The following HAGH variants were observed in gnomAD, a reference collection of about 807,000 sequenced individuals.
HAGH encodes the protein hydroxyacylglutathione hydrolase.
HAGH carries 29 observed loss-of-function variants against 35.1 expected under a neutral mutation model. The ratio of observed to expected loss-of-function variants is 0.83; its 90% CI spans 0.62 to 1.13. The LOEUF is 1.13. HAGH is among the 50% of genes most tolerant of loss of function. The pLI, the probability that HAGH is intolerant of heterozygous loss-of-function variation, is 0.00. For missense variants in HAGH, 478 were observed against 419.6 expected (o/e 1.14, Z -1.22); for synonymous variants, 225 against 176.1 (o/e 1.28, Z -2.20).
Position 1,822,876 on chromosome 16 carries a change from G to A in HAGH, c.238C>T (p.Gln80Ter), listed in dbSNP as rs1289933614. Residue 80 changes from glutamine (Q) to a stop codon, truncating the protein, a stop_gained, in exon 2 of 9, where the codon CAG becomes TAG. Transcript: ENST00000397356. LOFTEE classifies it high-confidence loss of function. ...TKEAAIVDPV[Q>*]PQKVVDAARK... ...ACAGCCATGCGCACCTTCTGGGGCT[G>A]CACCGGATCCACAATGGCAGCCTCC... is the stretch of plus-strand genomic sequence containing the variant. The A allele has an allele frequency of 1.2e-6, 2 of 1,613,390 alleles. No homozygotes were observed. Among genetic ancestry groups the A allele is most frequent in the Non-Finnish European group, 1.7e-6 (2 of 1,179,802 alleles).
intron 7 of HAGH, among the ~76,000 whole-genome samples, chr16:1,811,813 TGA>T (rs751303969): frequency 6.6e-6 from 1 of 152,160 alleles, no homozygotes; most frequent in Non-Finnish European, 1.5e-5. Flanking sequence ...CAAAAGGAGT[TGA>T]AAACTCTCAA....
At chr16:1,820,518 G>A (rs1898108748) in intron 3 of HAGH, among the ~76,000 whole-genome samples, 1 of 152,178 alleles carries the variant, frequency 6.6e-6, no homozygotes, top group Admixed American at 6.5e-5. Context: ...GGGTGCGTCT[G>A]GGATGAGCAG....
At chr16:1,819,335 G>A (rs1898044546) in intron 4 of HAGH, 112 bp from the exon 5 acceptor site, 1 of 649,454 alleles carries the variant, frequency 1.5e-6, no homozygotes, top group Non-Finnish European at 2.7e-6. Flanking sequence ...TGAGGGAAAT[G>A]CCCGTGAAGG....
At chr16:1,809,642 G>C in intron 8 of HAGH, 112 bp downstream of exon 8, 1 of 823,990 alleles carries the variant, frequency 1.2e-6, no homozygotes, top group South Asian at 1.5e-5. Context: ...ACCTGTGACA[G>C]CTCCCCAAGG....
chr16:1,817,998 C>T lies in HAGH; in HGVS notation c.542-727G>A, dbSNP rs3785274. On this transcript the variant is annotated intron_variant, in intron 5 of 8. Transcript: ENST00000397356. ...AGCGGTGCTGGGCACAGGCCAAGGC[C>T]AGGAGTCCTTCTGGGCACGAGAGAT... Among the ~76,000 whole-genome samples, 113 of 152,350 alleles carry T rather than the reference C, an allele frequency of 7.4e-4. 1 individual carries two copies. In the East Asian group the frequency reaches 0.02, roughly 27 times the overall value.
intron 8 of HAGH, 79 bp downstream of exon 8, chr16:1,809,675 C>A: frequency 1.9e-6 from 2 of 1,055,168 alleles, no homozygotes; most frequent in Non-Finnish European, 2.9e-6. Context: ...TCTGGGGTCT[C>A]GGACGTACCG....
At chr16:1,820,513 C>T (rs1014043826) in intron 3 of HAGH, among the ~76,000 whole-genome samples, 5 of 152,170 alleles carry the variant, frequency 3.3e-5, no homozygotes, top group Admixed American at 6.5e-5. Flanking sequence ...CACCTGGGTG[C>T]GTCTGGGATG....
At chr16:1,813,090 G>A (rs1480563698) in intron 7 of HAGH, among the ~76,000 whole-genome samples, 1 of 152,242 alleles carries the variant, frequency 6.6e-6, no homozygotes, top group Non-Finnish European at 1.5e-5. Context: ...CCAAACGCAT[G>A]CTCAAATCTG....
intron 7 of HAGH, among the ~76,000 whole-genome samples, chr16:1,811,405 C>A (rs1897641544): frequency 1.3e-5 from 2 of 151,770 alleles, no homozygotes; most frequent in South Asian, 4.2e-4. Context: ...CAGAGCAAGA[C>A]ACTGTCTCCC....
rs368062232 is a variant in HAGH, at chr16:1,826,212, G to T, written c.76+500C>A. 6.6e-4 allele frequency among the ~76,000 whole-genome samples: 101 copies of T among 151,992 alleles called. No individual in the cohort carries two copies. In the East Asian group the frequency reaches 0.015, roughly 22 times the overall value. On this transcript the variant is annotated intron_variant, in intron 1 of 8. Transcript: ENST00000397356. ...CCGCCCGGGGCGCTGGCCTGGCCCG[G>T]CCGCGCGACCACCTCGGGCGAATGA...
chr16:1,810,870 C>A (rs980921951), intron 7 of HAGH: 17 of 152,386 alleles, frequency 1.1e-4, no homozygotes, highest in African/African-American at 3.8e-4. Flanking sequence ...TGGTTTCTCA[C>A]TAATCTGTTC....
intron 7 of HAGH, 45 bp from the exon 8 acceptor site, chr16:1,809,878 G>C: frequency 7.0e-7 from 1 of 1,425,852 alleles, no homozygotes; most frequent in Non-Finnish European, 9.9e-7. Context: ...TTCACAGGAT[G>C]GCAGACCAGG....
Position 1,809,861 on chromosome 16 carries a change from C to T in HAGH, c.748-28G>A, listed in dbSNP as rs758058986. ...GCAAGAGAAACGCACCACTTTATCA[C>T]GGGAACTTCACAGGATGGCAGACCA... On this transcript the variant is annotated intron_variant, in intron 7 of 8. Coordinates refer to ENST00000397356, the MANE Select transcript of HAGH (RefSeq NM_005326.6). The T allele has an allele frequency of 1.2e-5, 18 of 1,563,752 alleles. No individual in the cohort carries two copies. In the South Asian group the frequency reaches 1.2e-4, roughly 11 times the overall value.
intron 7 of HAGH, among the ~76,000 whole-genome samples, chr16:1,813,147 G>T (rs1345992112): frequency 6.6e-6 from 1 of 152,210 alleles, no homozygotes; most frequent in Non-Finnish European, 1.5e-5. Context: ...AATCCTTTGT[G>T]AACGGCTTGG....
chr16:1,826,500 T>C, intron 1 of HAGH: 2 of 956,954 alleles, frequency 2.1e-6, no homozygotes, highest in Non-Finnish European at 2.5e-6. Flanking sequence ...GGCCTGGCCC[T>C]GCTTACCTAG....
At chr16:1,822,031 C>G in intron 3 of HAGH, 1 of 405,064 alleles carries the variant, frequency 2.5e-6, no homozygotes, top group Non-Finnish European at 4.5e-6. Flanking sequence ...AGGGCACAAA[C>G]CCGCATGGCC....
At chr16:1,820,771 A>G (rs1378321451) in intron 3 of HAGH, among the ~76,000 whole-genome samples, 2 of 152,252 alleles carry the variant, frequency 1.3e-5, no homozygotes, top group East Asian at 1.9e-4. Context: ...GGGCCCCAAG[A>G]TAACAGGGTG....
In HAGH at chr16:1,809,095, AG is replaced by A. The variant is rs1295600993; in HGVS notation, c.*187del. On this transcript the variant is annotated 3_prime_UTR_variant, in exon 9 of 9. Coordinates refer to ENST00000397356, the MANE Select transcript of HAGH (RefSeq NM_005326.6). The stretch of plus-strand genomic sequence containing the variant: ...AAAGGCCAGAAGAAAACAGTCTGCA[AG>A]GGGAAGTTATGGGAATAAATACTTG... 9.0e-6 allele frequency: 5 copies of A among 556,004 alleles called. No homozygotes were observed. In the African/African-American group the frequency reaches 9.5e-5, roughly 11 times the overall value. 34.4% of individuals were successfully genotyped at this position (556,004 alleles called of 1,614,324 possible).
chr16:1,819,303 C>G, intron 4 of HAGH, 80 bp from the exon 5 acceptor site: 1 of 820,802 alleles, frequency 1.2e-6, no homozygotes, highest in South Asian at 1.7e-5. Context: ...GCCGCCTGGG[C>G]CCTACTGGGC....
Sources: allele counts gnomAD v4.1 joint callset (sites outside exome capture counted in the v4.1 genomes callset), GRCh38; gene constraint gnomAD v4.1.1; transcripts MANE v1.5; gene names NCBI Gene and HGNC (gene_info 2026-07-23, HGNC 2026-07-21).